IKBKB: variants seen among roughly 807,000 people sequenced by gnomAD.
IKBKB encodes the protein inhibitor of nuclear factor kappa-B kinase subunit beta.
Under a neutral mutation model 113.6 loss-of-function variants are expected in IKBKB, and 42 were observed. The ratio of observed to expected loss-of-function variants is 0.37; its 90% CI spans 0.29 to 0.48. IKBKB has a LOEUF of 0.48. IKBKB is among the 20% of genes least tolerant of loss of function. The probability of loss-of-function intolerance (pLI) is 0.99; values close to 1 mark genes in which losing one functional copy is unlikely to be tolerated. For missense variants in IKBKB, 673 were observed against 939.7 expected (o/e 0.72, Z 3.71); for synonymous variants, 296 against 361.3 (o/e 0.82, Z 2.05).
At position 42,326,010 on chromosome 8, in the gene IKBKB, T is replaced by C; in HGVS notation, c.2027T>C (p.Met676Thr). 2 of 1,614,216 alleles carry C rather than the reference T, an allele frequency of 1.2e-6. No individual in the cohort carries two copies. Among genetic ancestry groups the C allele is most frequent in the African/African-American group, 2.7e-5 (2 of 75,058 alleles). Residue 676 changes from methionine (M) to threonine (T), a missense_variant, in exon 20 of 22, where the codon ATG becomes ACG. Coordinates refer to ENST00000520810, the MANE Select transcript of IKBKB (RefSeq NM_001556.3). Reference protein sequence around the residue: ...RGPVSGSPDSMNASRLSQPGQ... With the variant: ...RGPVSGSPDSTNASRLSQPGQ... ...CCTGTCAGTGGAAGCCCGGATAGCA[T>C]GAATGCCTCTCGACTTAGCCAGCCT...
rs544774408 is a variant in IKBKB at position 42,290,960 on chromosome 8, T to A, written c.318+687T>A. Among the ~76,000 whole-genome samples the A allele has an allele frequency of 2.4e-3, 373 of 152,310 alleles. 2 individuals carry two copies. Among genetic ancestry groups the A allele is most frequent in the African/African-American group, 8.6e-3 (359 of 41,554 alleles). On this transcript the variant is annotated intron_variant, in intron 4 of 21. Coordinates refer to ENST00000520810, the MANE Select transcript of IKBKB (RefSeq NM_001556.3). ...CCTATGACAGTACCACACAGCCTGC[T>A]AGTACATGTTACCTCATTCGATTTC...
intron 11 of IKBKB, 79 bp from the exon 12 acceptor site, chr8:42,317,578 G>C (rs1184744502): frequency 1.1e-6 from 1 of 928,644 alleles, no homozygotes. Context: ...AGTGGGGAAA[G>C]CTGTGGAACT....
chr8:42,331,284 C>A lies in IKBKB; in HGVS notation c.*305C>A, dbSNP rs1007889284. 1.4e-5 allele frequency: 10 copies of A among 702,094 alleles called. No homozygotes were observed. The highest frequency in any genetic ancestry group is 2.6e-5 in the Non-Finnish European group (10 of 385,270). The allele number at this position is 702,094 out of a possible 1,614,324, so 43.5% of individuals were successfully genotyped here. On this transcript the variant is annotated 3_prime_UTR_variant, in exon 22 of 22. Coordinates refer to ENST00000520810, the MANE Select transcript of IKBKB (RefSeq NM_001556.3). Reference sequence around the variant, plus strand: ...TCCATTACAGAGGCCCAGCGCACATCGCTGGCCCCACAAACGTTCAGGGGT... The same window carrying A: ...TCCATTACAGAGGCCCAGCGCACATAGCTGGCCCCACAAACGTTCAGGGGT...
chr8:42,312,922 C>T (rs933559238), intron 8 of IKBKB, among the ~76,000 whole-genome samples: 1 of 152,206 alleles, frequency 6.6e-6, no homozygotes, highest in Non-Finnish European at 1.5e-5. Flanking sequence ...ATAGAAAGAA[C>T]ACCAGACATT....
chr8:42,290,340 G>C, intron 4 of IKBKB, 67 bp downstream of exon 4: 1 of 1,041,864 alleles, frequency 9.6e-7, no homozygotes, highest in East Asian at 2.4e-5. Flanking sequence ...AAGAGGGATG[G>C]GGAGACCTTT....
chr8:42,290,905 G>C (rs935478750), intron 4 of IKBKB, among the ~76,000 whole-genome samples: 1 of 152,174 alleles, frequency 6.6e-6, no homozygotes, highest in African/African-American at 2.4e-5. Context: ...TGGTCTCAGG[G>C]GCAGTTGGGT....
intron 2 of IKBKB, among the ~76,000 whole-genome samples, chr8:42,282,754 T>C (rs1474663414): frequency 6.6e-6 from 1 of 152,246 alleles, no homozygotes; most frequent in Non-Finnish European, 1.5e-5. Context: ...AATTTTGCTT[T>C]CTAGAGCAGG....
rs141008422 is a variant in IKBKB at position 42,322,045 on chromosome 8, T to C, written c.1739-9T>C. 295 of 1,612,784 alleles carry C rather than the reference T, an allele frequency of 1.8e-4. 1 individual carries two copies. Among genetic ancestry groups the C allele is most frequent in the Non-Finnish European group, 6.0e-5 (71 of 1,178,980 alleles). On this transcript the variant is annotated splice_polypyrimidine_tract_variant and intron_variant, in intron 17 of 21. Coordinates refer to ENST00000520810, the MANE Select transcript of IKBKB (RefSeq NM_001556.3). ...CCTTGAGGAACTATGCTACCCTCCC[T>C]CTCTCCAGACCAGCGAACTGAGGGT...
intron 5 of IKBKB, among the ~76,000 whole-genome samples, chr8:42,294,545 A>AG (rs1273279096): frequency 6.6e-6 from 1 of 152,186 alleles, no homozygotes; most frequent in Non-Finnish European, 1.5e-5. Flanking sequence ...CTTTTGACAG[A>AG]GGAGAAGCAA....
chr8:42,313,548 G>A, intron 8 of IKBKB, among the ~76,000 whole-genome samples: 1 of 152,124 alleles, frequency 6.6e-6, no homozygotes, highest in East Asian at 1.9e-4. Flanking sequence ...ACATTTAGAG[G>A]GAAGTATCTA....
chr8:42,272,059 T>C, intron 1 of IKBKB, 24 bp from the exon 2 acceptor site: 2 of 1,596,382 alleles, frequency 1.3e-6, no homozygotes. Context: ...CTAACCTTTT[T>C]TCCCCATCCC....
intron 5 of IKBKB, among the ~76,000 whole-genome samples, chr8:42,299,757 C>T (rs1814764554): frequency 6.6e-6 from 1 of 152,236 alleles, no homozygotes. Flanking sequence ...TCTTGCACCT[C>T]CCAGAGACCC....
At chr8:42,282,484 G>C (rs1263468364) in intron 2 of IKBKB, among the ~76,000 whole-genome samples, 1 of 152,202 alleles carries the variant, frequency 6.6e-6, no homozygotes, top group Non-Finnish European at 1.5e-5. Context: ...TGGGATTATA[G>C]GTGTGAGCCA....
chr8:42,296,939 AAGTGTT>A (rs1813985141), intron 5 of IKBKB, among the ~76,000 whole-genome samples: 3 of 152,244 alleles, frequency 2.0e-5, no homozygotes, highest in Non-Finnish European at 2.9e-5. Context: ...TGCAGTCAGC[AAGTGTT>A]AGTTCCTTGC....
Position 42,282,128 on chromosome 8 carries a change from A to C in IKBKB, c.106-6506A>C, listed in dbSNP as rs192246235. 4.6e-5 allele frequency among the ~76,000 whole-genome samples: 7 copies of C among 152,294 alleles called. No individual in the cohort carries two copies. In the East Asian group the frequency reaches 1.3e-3, roughly 29 times the overall value. On this transcript the variant is annotated intron_variant, in intron 2 of 21. Transcript: ENST00000520810. ...CATAATCACTACATTCAATCTGGAC[A>C]TACAGGGGACCCTTTCTCCGTTTTC... is the stretch of plus-strand genomic sequence containing the variant.
At chr8:42,285,135 C>A (rs1003358423) in intron 2 of IKBKB, among the ~76,000 whole-genome samples, 1 of 152,128 alleles carries the variant, frequency 6.6e-6, no homozygotes, top group African/African-American at 2.4e-5. Flanking sequence ...GGATTACAGG[C>A]ATGAGCCACC....
rs1003972235 is a variant in IKBKB at position 42,271,379 on chromosome 8, A to C, written c.-109A>C. 3 of 1,507,288 alleles carry C rather than the reference A, an allele frequency of 2.0e-6. No homozygotes were observed. The South Asian group carries it at 3.6e-5, about 18-fold the overall frequency. The allele number at this position is 1,507,288 out of a possible 1,614,324, so 93.4% of individuals were successfully genotyped here. On this transcript the variant is annotated 5_prime_UTR_variant, in exon 1 of 22. Transcript: ENST00000520810. ...AAGATTCCCGCATTTTAATGTTTTC[A>C]GGGGGGTGTCATAGCCCCGGGTTTG...
intron 5 of IKBKB, among the ~76,000 whole-genome samples, chr8:42,295,923 G>T (rs528683055): frequency 6.6e-6 from 1 of 152,290 alleles, no homozygotes; most frequent in South Asian, 2.1e-4. Context: ...TTGTGTGCAT[G>T]TATGTATTTA....
intron 8 of IKBKB, among the ~76,000 whole-genome samples, chr8:42,310,072 A>G (rs1312472246): frequency 6.6e-6 from 1 of 152,258 alleles, no homozygotes; most frequent in Non-Finnish European, 1.5e-5. Context: ...GTCAGTTTAA[A>G]TCAAGAACTG....
Sources: gnomAD v4.1 joint callset for allele counts (sites outside exome capture counted in the v4.1 genomes callset) on GRCh38, gnomAD v4.1.1 for gene constraint, MANE v1.5 for transcripts, NCBI Gene and HGNC (gene_info 2026-07-23, HGNC 2026-07-21) for gene names.